KIDINS220: variants seen among roughly 807,000 people sequenced by gnomAD.
The protein encoded by KIDINS220 is kinase D interacting substrate 220, also known as kinase D-interacting substrate of 220 kDa.
KIDINS220 carries 63 observed loss-of-function variants against 157.6 expected under a neutral mutation model. That is an observed-to-expected ratio of 0.40 (90% CI 0.33 to 0.49). The LOEUF (loss-of-function observed/expected upper bound fraction) is 0.49, where lower values mean the gene tolerates loss of function less well. Ranked by LOEUF, KIDINS220 falls within the 20% of genes least tolerant of loss-of-function variation. The probability of loss-of-function intolerance (pLI) is 0.66; values close to 1 mark genes in which losing one functional copy is unlikely to be tolerated. For synonymous variants in KIDINS220, 732 were observed against 783.6 expected (o/e 0.93, Z 1.10); for missense variants, 1,772 against 2,171.2 (o/e 0.82, Z 3.65).
intron 15 of KIDINS220, among the ~76,000 whole-genome samples, chr2:8,788,004 T>A (rs1348856241): frequency 6.6e-6 from 1 of 152,164 alleles, no homozygotes. Flanking sequence ...GGACCCCTCC[T>A]CCATCCAGTG....
At chr2:8,766,289 C>T (rs1173752558) in intron 22 of KIDINS220, among the ~76,000 whole-genome samples, 2 of 152,156 alleles carry the variant, frequency 1.3e-5, no homozygotes, top group Non-Finnish European at 2.9e-5. Flanking sequence ...CGGAACTGTT[C>T]CCTCTGCCTG....
At chr2:8,754,612 T>C (rs750950283) in intron 22 of KIDINS220, among the ~76,000 whole-genome samples, 42 of 152,250 alleles carry the variant, frequency 2.8e-4, no homozygotes, top group Non-Finnish European at 4.7e-4. Context: ...CTAGCAATAC[T>C]TGTTAATGCC....
At chr2:8,787,991 G>A (rs540752519) in intron 15 of KIDINS220, among the ~76,000 whole-genome samples, 68 of 152,236 alleles carry the variant, frequency 4.5e-4, no homozygotes, top group Non-Finnish European at 9.1e-4. Context: ...AAGGCCAGTG[G>A]CTGGACCCCT....
intron 22 of KIDINS220, 92 bp from the exon 23 acceptor site, chr2:8,751,736 A>G: frequency 1.2e-6 from 1 of 854,790 alleles, no homozygotes; most frequent in Non-Finnish European, 1.8e-6. Context: ...TACAACAATT[A>G]CACATCTTGG....
chr2:8,773,036 T>G (rs1670445603), intron 21 of KIDINS220, among the ~76,000 whole-genome samples: 1 of 152,140 alleles, frequency 6.6e-6, no homozygotes, highest in Non-Finnish European at 1.5e-5. Flanking sequence ...AAAAAAGAAA[T>G]CAAAATTTCA....
chr2:8,730,596 G>C lies in KIDINS220; in HGVS notation c.*124C>G, dbSNP rs1663905683. On this transcript the variant is annotated 3_prime_UTR_variant, in exon 30 of 30. Coordinates refer to ENST00000256707, the MANE Select transcript of KIDINS220 (RefSeq NM_020738.4). ...CACTGCAGATGTCTCTTTTACCTCG[G>C]CCTCATCATCGGTTAGTTATCTGTC... 2 of 1,445,764 alleles carry C rather than the reference G, an allele frequency of 1.4e-6. No individual in the cohort carries two copies. The highest frequency in any genetic ancestry group is 3.0e-5 in the South Asian group (2 of 66,370). The allele number at this position is 1,445,764 out of a possible 1,614,324, so 89.6% of individuals were successfully genotyped here.
intron 22 of KIDINS220, among the ~76,000 whole-genome samples, chr2:8,765,492 T>C (rs543721304): frequency 1.4e-4 from 22 of 152,176 alleles, no homozygotes; most frequent in African/African-American, 5.1e-4. Context: ...AAATCCATCA[T>C]TAAAAAATAA....
In KIDINS220 at chr2:8,731,043, C is replaced by T. The variant is rs1306416966; in HGVS notation, c.4993G>A (p.Glu1665Lys). The change falls in exon 30 of 30, where the codon GAA (glutamate) becomes AAA (lysine). Residue 1665 changes from glutamate to lysine, a missense_variant. By Grantham distance (56) the Glu-to-Lys change is moderately conservative (BLOSUM62 1). This residue lies in a region of KIDINS220 where 793 missense variants were observed against 885.5 expected (regional missense o/e 0.90). Coordinates refer to ENST00000256707, the MANE Select transcript of KIDINS220 (RefSeq NM_020738.4). The surrounding 1 kb of genome is among the most constrained non-coding windows in gnomAD (Gnocchi z 5.2). ...ECSLIASSPE[E>K]NWPACQKAYN... is the part of the protein sequence containing the mutation. The stretch of plus-strand genomic sequence containing the variant: ...GCTTTCTGGCATGCAGGCCAGTTTT[C>T]TTCAGGGCTGCTGGCTATCAAGCTG... The T allele has an allele frequency of 1.9e-6, 3 of 1,614,192 alleles. No individual in the cohort carries two copies. The highest frequency in any genetic ancestry group is 2.5e-6 in the Non-Finnish European group (3 of 1,180,032).
chr2:8,750,287 G>A lies in KIDINS220; in HGVS notation c.3239C>T (p.Pro1080Leu). The A allele has an allele frequency of 6.2e-7, 1 of 1,613,090 alleles. No individual in the cohort carries two copies. The highest frequency in any genetic ancestry group is 8.5e-7 in the Non-Finnish European group (1 of 1,179,510). The change falls in exon 24 of 30, where the codon CCC becomes CTC. Residue 1080 changes from proline (P) to leucine (L), a missense_variant. Physicochemically the swap from Pro to Leu is moderately conservative, Grantham distance 98. This residue lies in a region of KIDINS220 where 793 missense variants were observed against 885.5 expected (regional missense o/e 0.90). Transcript: ENST00000256707. ...EQISIGGLAYPPLPLHEGPPR... is the reference protein window; with the variant it reads ...EQISIGGLAYLPLPLHEGPPR... ...AGGACCCTCATGTAGAGGGAGCGGG[G>A]GGTACGCCAGTCCTCCAATACTGAT...
At chr2:8,772,159 G>A (rs1670324646) in intron 21 of KIDINS220, among the ~76,000 whole-genome samples, 1 of 152,036 alleles carries the variant, frequency 6.6e-6, no homozygotes, top group African/African-American at 2.4e-5. Flanking sequence ...TAGACAGAGA[G>A]AACTGGAAAA....
intron 29 of KIDINS220, among the ~76,000 whole-genome samples, chr2:8,732,397 A>C (rs1664247400): frequency 6.6e-6 from 1 of 152,228 alleles, no homozygotes; most frequent in Non-Finnish European, 1.5e-5. Flanking sequence ...ATGCTCGGCC[A>C]CAGCACTTGT....
chr2:8,820,910 G>A (rs1340463706), intron 2 of KIDINS220, among the ~76,000 whole-genome samples: 5 of 151,594 alleles, frequency 3.3e-5, no homozygotes, highest in Non-Finnish European at 5.9e-5. Flanking sequence ...TAATCTACTG[G>A]GATAAAAAGT....
intron 22 of KIDINS220, among the ~76,000 whole-genome samples, chr2:8,762,283 T>G (rs879764421): frequency 8.5e-5 from 13 of 152,338 alleles, no homozygotes; most frequent in Admixed American, 7.8e-4. Flanking sequence ...TTTTGGATAA[T>G]GAAGATCTGG....
At position 8,729,888 on chromosome 2, in the gene KIDINS220, G is replaced by GC. The variant is rs1475748854; in HGVS notation, c.*831_*832insG. On this transcript the variant is annotated 3_prime_UTR_variant, in exon 30 of 30. Transcript: ENST00000256707. The stretch of plus-strand genomic sequence containing the variant: ...CTGATTTTCCAGAAAAAGAATTCAT[G>GC]TTTTTTTTTCTTCTCATTGCTAAGC... 8 of 973,872 alleles carry GC rather than the reference G, an allele frequency of 8.2e-6. No homozygotes were observed. In the African/African-American group the frequency reaches 1.4e-4, roughly 17 times the overall value. 60.3% of individuals were successfully genotyped at this position (973,872 alleles called of 1,614,324 possible). A position where few individuals can be genotyped will look rare whatever the true frequency, so the allele number is the denominator to read the frequency against.
intron 26 of KIDINS220, among the ~76,000 whole-genome samples, chr2:8,742,102 TA>T (rs760606441): frequency 2.6e-5 from 4 of 151,874 alleles, no homozygotes; most frequent in African/African-American, 9.7e-5. Flanking sequence ...GTGGTGAAAA[TA>T]AAAATTGTCC....
chr2:8,753,715 G>A (rs2081045885), intron 22 of KIDINS220, among the ~76,000 whole-genome samples: 1 of 152,200 alleles, frequency 6.6e-6, no homozygotes, highest in Admixed American at 6.5e-5. Context: ...TCTAATGTTA[G>A]TAACAGTTAT....
intron 22 of KIDINS220, among the ~76,000 whole-genome samples, chr2:8,761,448 T>C (rs957673514): frequency 6.6e-6 from 1 of 152,194 alleles, no homozygotes; most frequent in African/African-American, 2.4e-5. Flanking sequence ...CAGATCGATT[T>C]CTTTATGCTC....
At chr2:8,829,809 T>C (rs968980544) in intron 1 of KIDINS220, among the ~76,000 whole-genome samples, 4 of 152,160 alleles carry the variant, frequency 2.6e-5, no homozygotes, top group African/African-American at 9.7e-5. Context: ...TAGAAAGCAG[T>C]GAGGGTTTGT....
chr2:8,754,535 T>C (rs1198272195), intron 22 of KIDINS220, among the ~76,000 whole-genome samples: 2 of 152,230 alleles, frequency 1.3e-5, no homozygotes, highest in Non-Finnish European at 2.9e-5. Context: ...AAAGAAAGCA[T>C]TATAAAACCT....
Sources: gnomAD v4.1 joint callset for allele counts (sites outside exome capture counted in the v4.1 genomes callset) on GRCh38, gnomAD v4.1.1 for gene constraint, gnomAD v4.1.1 regional missense constraint, Gnocchi (gnomAD v3.1) non-coding constraint, MANE v1.5 for transcripts, NCBI Gene and HGNC (gene_info 2026-07-23, HGNC 2026-07-21) for gene names.